PCDHA2: variants seen among roughly 807,000 people sequenced by gnomAD.
PCDHA2 encodes protocadherin alpha-2.
A neutral mutation model predicts 66.0 loss-of-function variants in PCDHA2; 58 were observed. That is an observed-to-expected ratio of 0.88 (90% CI 0.71 to 1.09). PCDHA2 has a LOEUF of 1.09. PCDHA2 is among the 50% of genes least tolerant of loss of function. The probability of loss-of-function intolerance (pLI) is 0.00; values close to 1 mark genes in which losing one functional copy is unlikely to be tolerated. For synonymous variants in PCDHA2, 634 were observed against 554.0 expected (o/e 1.14, Z -2.03); for missense variants, 1,267 against 1,242.3 (o/e 1.02, Z -0.30).
intron 1 of PCDHA2, chr5:140,866,771 G>T (rs1274249290): frequency 2.0e-5 from 3 of 152,268 alleles, no homozygotes; most frequent in Non-Finnish European, 2.9e-5. Flanking sequence ...CAGGCAGATT[G>T]TATGTCCTGA....
intron 1 of PCDHA2, chr5:140,829,251 G>C: frequency 6.2e-7 from 1 of 1,614,268 alleles, no homozygotes; most frequent in Non-Finnish European, 8.5e-7. Flanking sequence ...CAGGTGAACT[G>C]CTCGCTGACG....
At chr5:140,998,943 G>T (rs1366415632) in intron 3 of PCDHA2, among the ~76,000 whole-genome samples, 2 of 152,212 alleles carry the variant, frequency 1.3e-5, no homozygotes, top group African/African-American at 2.4e-5. Flanking sequence ...TGAAGAAACT[G>T]TAAGTCAATG....
intron 1 of PCDHA2, chr5:140,929,129 C>T (rs1206531954): frequency 6.2e-7 from 1 of 1,614,052 alleles, no homozygotes; most frequent in South Asian, 1.1e-5. Context: ...GATGTCACTA[C>T]AGTTGAGAGA....
At chr5:140,824,949 A>C (rs1182426968) in intron 1 of PCDHA2, 1 of 152,150 alleles carries the variant, frequency 6.6e-6, no homozygotes, top group Non-Finnish European at 1.5e-5. Context: ...TAATTTAAAA[A>C]TTATATTTTT....
At chr5:140,825,993 T>TA (rs1348661187) in intron 1 of PCDHA2, 1 of 152,282 alleles carries the variant, frequency 6.6e-6, no homozygotes, top group East Asian at 1.9e-4. Context: ...TTATAGGTAG[T>TA]AAATAGTCCA....
chr5:140,934,625 A>G (rs1554210030), intron 1 of PCDHA2, among the ~76,000 whole-genome samples: 1 of 152,116 alleles, frequency 6.6e-6, no homozygotes, highest in Non-Finnish European at 1.5e-5. Context: ...GGTACAGTTC[A>G]CACAGGAAAG....
rs114483996 is a variant in PCDHA2, at chr5:140,825,464, C to A, written c.2388+28112C>A. The stretch of plus-strand genomic sequence containing the variant: ...ATAATATATATCAGATATTTTGATA[C>A]AGAATTTTGCTCTTGTTGCCCAAAC... On this transcript the variant is annotated intron_variant, in intron 1 of 3. Coordinates refer to ENST00000526136, the MANE Select transcript of PCDHA2 (RefSeq NM_018905.3). 1.4e-3 allele frequency: 215 copies of A among 148,416 alleles called. 1 individual carries two copies. Among genetic ancestry groups the A allele is most frequent in the African/African-American group, 5.0e-3 (201 of 40,520 alleles). The allele number at this position is 148,416 out of a possible 1,614,324, so 9.2% of individuals were successfully genotyped here.
chr5:140,851,028 C>T lies in PCDHA2; in HGVS notation c.2388+53676C>T, dbSNP rs574627365. The T allele has an allele frequency of 7.8e-6, 11 of 1,410,018 alleles. 1 individual carries two copies. The highest frequency in any genetic ancestry group is 3.7e-5 in the South Asian group (2 of 54,752). 87.3% of individuals were successfully genotyped at this position (1,410,018 alleles called of 1,614,324 possible). ...GATTTTTTTTCTGATAAAGTAAACC[C>T]CTTAACATTGGAGCCGACTTTGTCT... On this transcript the variant is annotated intron_variant, in intron 1 of 3. Transcript: ENST00000526136.
intron 1 of PCDHA2, chr5:140,884,171 C>T (rs781800470): frequency 6.2e-7 from 1 of 1,613,414 alleles, no homozygotes; most frequent in Admixed American, 1.7e-5. Context: ...CAGCACGACG[C>T]GCCCTCTGGA....
At chr5:140,858,338 A>G (rs1323713253) in intron 1 of PCDHA2, 2 of 1,595,638 alleles carry the variant, frequency 1.3e-6, no homozygotes, top group African/African-American at 2.7e-5. Context: ...GGGCCTGCCC[A>G]AGGCGGACCT....
intron 3 of PCDHA2, among the ~76,000 whole-genome samples, chr5:141,000,500 T>A (rs1440390927): frequency 5.7e-5 from 8 of 140,516 alleles, no homozygotes; most frequent in Non-Finnish European, 1.2e-4. Context: ...AGATCTCGGC[T>A]CACTGCAACC....
intron 1 of PCDHA2, among the ~76,000 whole-genome samples, chr5:140,924,534 C>G (rs1488047727): frequency 1.3e-5 from 2 of 152,134 alleles, no homozygotes; most frequent in African/African-American, 2.4e-5. Context: ...AATGCCCGAG[C>G]TACCCCTCTC....
intron 1 of PCDHA2, among the ~76,000 whole-genome samples, chr5:140,955,446 A>G (rs574900327): frequency 6.6e-6 from 1 of 152,194 alleles, no homozygotes; most frequent in Non-Finnish European, 1.5e-5. Context: ...TGATGGTTTT[A>G]TAAGGGCTTT....
intron 2 of PCDHA2, among the ~76,000 whole-genome samples, chr5:140,981,993 G>A (rs533430599): frequency 6.6e-6 from 1 of 152,272 alleles, no homozygotes; most frequent in Admixed American, 6.5e-5. Flanking sequence ...TAGAAAATAA[G>A]GTTAAGAATT....
intron 1 of PCDHA2, chr5:140,877,256 G>A (rs782364296): frequency 6.2e-7 from 1 of 1,613,628 alleles, no homozygotes; most frequent in African/African-American, 1.3e-5. Flanking sequence ...GCGAAAGTGC[G>A]CGCGGTGGAC....
rs2150224135 is a variant in PCDHA2, at chr5:140,834,676, G to A, written c.2388+37324G>A. The A allele has an allele frequency of 3.3e-5, 53 of 1,614,126 alleles. No individual in the cohort carries two copies. Among genetic ancestry groups the A allele is most frequent in the Non-Finnish European group, 4.2e-5 (50 of 1,180,052 alleles). On this transcript the variant is annotated intron_variant, in intron 1 of 3. Coordinates refer to ENST00000526136, the MANE Select transcript of PCDHA2 (RefSeq NM_018905.3). ...ATCGACCGCGAGGAGCTGTGCGGGC[G>A]GAGCGCGGAGTGCAGCATCCACCTG...
At position 140,795,917 on chromosome 5, in the gene PCDHA2, T is replaced by C. The variant is rs965421102; in HGVS notation, c.953T>C (p.Ile318Thr). ...LDYEEAKSYE[I>T]QVTATDKGTP... ...TATGAAGAAGCAAAGTCCTACGAGA[T>C]TCAGGTCACTGCAACTGACAAAGGA... The change falls in exon 1 of 4, where the codon ATT becomes ACT. Residue 318 changes from isoleucine (I) to threonine (T), a missense_variant. Transcript: ENST00000526136. The C allele has an allele frequency of 6.2e-7, 1 of 1,613,832 alleles. No homozygotes were observed. Among genetic ancestry groups the C allele is most frequent in the Non-Finnish European group, 8.5e-7 (1 of 1,179,852 alleles).
At chr5:140,825,237 C>T (rs1262256044) in intron 1 of PCDHA2, 3 of 151,300 alleles carry the variant, frequency 2.0e-5, no homozygotes, top group Admixed American at 6.6e-5. Context: ...TTATCTGGAT[C>T]TATGGTGTTC....
At chr5:140,997,656 T>G (rs2153947694) in intron 3 of PCDHA2, among the ~76,000 whole-genome samples, 1 of 149,610 alleles carries the variant, frequency 6.7e-6, no homozygotes. Flanking sequence ...GCAATATGTA[T>G]TATTATACAG....
Sources: allele counts gnomAD v4.1 joint callset (sites outside exome capture counted in the v4.1 genomes callset), GRCh38; gene constraint gnomAD v4.1.1; transcripts MANE v1.5; gene names NCBI Gene and HGNC (gene_info 2026-07-23, HGNC 2026-07-21).